Variants in LDLRAD3 observed in about 807,000 individuals in gnomAD.
The protein encoded by LDLRAD3 is low density lipoprotein receptor class A domain containing 3.
In LDLRAD3, 20 loss-of-function variants were observed where a neutral mutation model predicts 29.4. The ratio of observed to expected loss-of-function variants is 0.68; its 90% CI spans 0.48 to 0.99. The LOEUF is 0.99. Among genes scored for constraint, LDLRAD3 ranks in the 50% least tolerant of loss-of-function variants. The pLI is 0.00. For missense variants in LDLRAD3, 420 were observed against 454.3 expected (o/e 0.92, Z 0.69); for synonymous variants, 157 against 192.7 (o/e 0.81, Z 1.53).
chr11:36,159,895 A>G (rs954466327), intron 4 of LDLRAD3, among the ~76,000 whole-genome samples: 4 of 152,118 alleles, frequency 2.6e-5, no homozygotes, highest in Admixed American at 6.5e-5. Flanking sequence ...CCCAAGCCTG[A>G]GTCTTATGTT....
chr11:35,958,033 G>A (rs1195444890), intron 1 of LDLRAD3, among the ~76,000 whole-genome samples: 1 of 152,136 alleles, frequency 6.6e-6, no homozygotes, highest in Non-Finnish European at 1.5e-5. Flanking sequence ...GTGAAACACT[G>A]GAGACTAACA....
At chr11:36,106,379 C>T (rs1306121305) in intron 4 of LDLRAD3, among the ~76,000 whole-genome samples, 1 of 152,188 alleles carries the variant, frequency 6.6e-6, no homozygotes, top group Non-Finnish European at 1.5e-5. Context: ...GTTGCACTTT[C>T]CCCTTGGAGT....
intron 4 of LDLRAD3, among the ~76,000 whole-genome samples, chr11:36,139,428 A>G (rs1002117164): frequency 1.3e-5 from 2 of 152,182 alleles, no homozygotes; most frequent in African/African-American, 4.8e-5. Flanking sequence ...TTTGGACCAC[A>G]TTGTAACTTC....
intron 1 of LDLRAD3, among the ~76,000 whole-genome samples, chr11:36,027,148 C>G (rs1852177573): frequency 6.6e-6 from 1 of 152,156 alleles, no homozygotes; most frequent in Non-Finnish European, 1.5e-5. Context: ...CCTGTTCCTC[C>G]CCATCTTCTT....
chr11:36,135,802 C>T (rs1408698690), intron 4 of LDLRAD3, among the ~76,000 whole-genome samples: 2 of 152,208 alleles, frequency 1.3e-5, no homozygotes, highest in Admixed American at 1.3e-4. Flanking sequence ...CCCAGCTACT[C>T]AGGAGGCTGA....
At chr11:36,127,979 T>C (rs550913001) in intron 4 of LDLRAD3, among the ~76,000 whole-genome samples, 3 of 151,806 alleles carry the variant, frequency 2.0e-5, no homozygotes, top group African/African-American at 7.2e-5. Flanking sequence ...TTTCTCCAGC[T>C]GTTTCCCCAA....
chr11:36,157,694 A>C (rs373493329), intron 4 of LDLRAD3, among the ~76,000 whole-genome samples: 1 of 152,172 alleles, frequency 6.6e-6, no homozygotes, highest in Non-Finnish European at 1.5e-5. Context: ...GGACCATCAC[A>C]GGAAGATATA....
intron 4 of LDLRAD3, among the ~76,000 whole-genome samples, chr11:36,134,574 G>A (rs11033453): frequency 0.55 from 83,752 of 152,034 alleles, 23,890 homozygotes; most frequent in African/African-American, 0.7. Flanking sequence ...ATTTTTGTTC[G>A]AGGGAACTCT....
intron 2 of LDLRAD3, among the ~76,000 whole-genome samples, chr11:36,060,032 T>G (rs1852674265): frequency 6.6e-6 from 1 of 152,196 alleles, no homozygotes; most frequent in Non-Finnish European, 1.5e-5. Flanking sequence ...CATCTTCATT[T>G]TACAGATAAG....
At chr11:35,957,157 A>C (rs1423914305) in intron 1 of LDLRAD3, among the ~76,000 whole-genome samples, 1 of 152,238 alleles carries the variant, frequency 6.6e-6, no homozygotes, top group African/African-American at 2.4e-5. Context: ...CTACCACCTA[A>C]AGATTTTTAA....
chr11:36,094,153 T>A (rs1264680260), intron 3 of LDLRAD3, among the ~76,000 whole-genome samples: 1 of 152,184 alleles, frequency 6.6e-6, no homozygotes, highest in Non-Finnish European at 1.5e-5. Flanking sequence ...GCCCAGGCAT[T>A]TGTCTGCTTC....
intron 2 of LDLRAD3, among the ~76,000 whole-genome samples, chr11:36,050,865 A>G (rs1852516650): frequency 1.3e-5 from 2 of 152,140 alleles, no homozygotes; most frequent in Admixed American, 1.3e-4. Context: ...GCACTGACAG[A>G]TTTGGTGTTT....
rs1277440296 is a variant in LDLRAD3, at chr11:36,230,597, G to C, written c.*1200G>C. The C allele has an allele frequency of 6.6e-6, 1 of 152,554 alleles. No homozygotes were observed. The highest frequency in any genetic ancestry group is 1.5e-5 in the Non-Finnish European group (1 of 68,036). 9.5% of individuals were successfully genotyped at this position (152,554 alleles called of 1,614,324 possible). ...AGTAGTTTCTCCTCTGAGACACATGGGCAAGAGACAATTTGGAGTCAAGAT... is the reference window on the plus strand; with the variant it reads ...AGTAGTTTCTCCTCTGAGACACATGCGCAAGAGACAATTTGGAGTCAAGAT... On this transcript the variant is annotated 3_prime_UTR_variant, in exon 6 of 6. Coordinates refer to ENST00000315571, the MANE Select transcript of LDLRAD3 (RefSeq NM_174902.4).
chr11:36,154,358 C>G (rs375771432), intron 4 of LDLRAD3, among the ~76,000 whole-genome samples: 1 of 152,174 alleles, frequency 6.6e-6, no homozygotes, highest in Non-Finnish European at 1.5e-5. Context: ...CAAGAGATGA[C>G]TAGACCCCAG....
chr11:36,222,264 T>C (rs1855439404), intron 4 of LDLRAD3, among the ~76,000 whole-genome samples: 1 of 152,146 alleles, frequency 6.6e-6, no homozygotes, highest in African/African-American at 2.4e-5. Context: ...TTTTATTTTT[T>C]GCAGAGACAG....
chr11:36,017,325 C>T (rs1378657013), intron 1 of LDLRAD3, among the ~76,000 whole-genome samples: 1 of 152,146 alleles, frequency 6.6e-6, no homozygotes, highest in Non-Finnish European at 1.5e-5. Flanking sequence ...TTCTCAAAAC[C>T]TCTCATAATA....
At chr11:36,134,944 G>C (rs1853982667) in intron 4 of LDLRAD3, among the ~76,000 whole-genome samples, 1 of 152,094 alleles carries the variant, frequency 6.6e-6, no homozygotes, top group Non-Finnish European at 1.5e-5. Flanking sequence ...CAGCTCCCCT[G>C]CCTCTAGGTT....
chr11:35,982,968 C>T (rs1851561703), intron 1 of LDLRAD3, among the ~76,000 whole-genome samples: 1 of 151,592 alleles, frequency 6.6e-6, no homozygotes, highest in Non-Finnish European at 1.5e-5. Flanking sequence ...ATTCTCCTGC[C>T]TCAGCCTCCC....
At chr11:35,988,608 G>T (rs748908664) in intron 1 of LDLRAD3, among the ~76,000 whole-genome samples, 1 of 147,452 alleles carries the variant, frequency 6.8e-6, no homozygotes, top group East Asian at 2.1e-4. Context: ...TTTTGAGTTG[G>T]AGTCTTGCTC....
Sources: allele counts gnomAD v4.1 joint callset (sites outside exome capture counted in the v4.1 genomes callset), GRCh38; gene constraint gnomAD v4.1.1; transcripts MANE v1.5; gene names NCBI Gene and HGNC (gene_info 2026-07-23, HGNC 2026-07-21).